The following RRP12 variants were observed in gnomAD, a reference collection of about 807,000 sequenced individuals.
RRP12 encodes RRP12-like protein.
In RRP12, 78 loss-of-function variants were observed where a neutral mutation model predicts 157.3. The ratio of observed to expected loss-of-function variants is 0.50; its 90% confidence interval spans 0.41 to 0.60. The LOEUF (loss-of-function observed/expected upper bound fraction) is 0.60, where lower values mean the gene tolerates loss of function less well. Among genes scored for constraint, RRP12 ranks in the 20% least tolerant of loss-of-function variants. The pLI, the probability that RRP12 is intolerant of heterozygous loss-of-function variation, is 0.00. For missense variants in RRP12, 1,521 were observed against 1,679.9 expected (o/e 0.91, Z 1.65); for synonymous variants, 726 against 670.9 (o/e 1.08, Z -1.27).
chr10:97,360,811 A>T (rs1208766029), intron 30 of RRP12, among the ~76,000 whole-genome samples, 193 bp from the exon 31 acceptor site: 1 of 152,200 alleles, frequency 6.6e-6, no homozygotes, highest in East Asian at 1.9e-4. Flanking sequence ...AAAGCCAGGC[A>T]GTGCAGAAGA....
intron 31 of RRP12, among the ~76,000 whole-genome samples, chr10:97,359,227 G>T (rs1347215912): frequency 6.6e-6 from 1 of 152,210 alleles, no homozygotes; most frequent in Non-Finnish European, 1.5e-5. Flanking sequence ...GACTGACCCA[G>T]AAGCCTTACA....
chr10:97,382,433 C>T (rs1406947709), intron 10 of RRP12, among the ~76,000 whole-genome samples: 2 of 152,230 alleles, frequency 1.3e-5, no homozygotes, highest in Non-Finnish European at 2.9e-5. Flanking sequence ...GCATAAGCCA[C>T]TGCACCTGGC....
At chr10:97,361,971 G>A (rs1235863234) in intron 30 of RRP12, among the ~76,000 whole-genome samples, 1 of 152,126 alleles carries the variant, frequency 6.6e-6, no homozygotes, top group East Asian at 1.9e-4. Flanking sequence ...GCTGGGCGTG[G>A]TAGCATGCAC....
rs946694258 is a variant in RRP12, at chr10:97,385,151, C to T, written c.1208+15G>A. The T allele has an allele frequency of 1.0e-5, 16 of 1,602,136 alleles. No individual in the cohort carries two copies. The highest frequency in any genetic ancestry group is 1.4e-5 in the Non-Finnish European group (16 of 1,169,830). ...GCCTGGACAGAGGCCCTAAGCACCC[C>T]TCCTTCATCCGTACCTCACCAGGTT... On this transcript the variant is annotated intron_variant, in intron 10 of 33. Transcript: ENST00000370992.
rs773405408 is a variant in RRP12 at position 97,373,723 on chromosome 10, C to T, written c.1878G>A (p.Leu626=). ...DTLQWQMWTL[L]PGFCTRPTDV... ...CTGTAGGCCTTGTGCAGAACCCAGG[C>T]AGGAGTGTCCACATCTGGAGAAGGA... The change falls in exon 17 of 34, where the codon CTG becomes CTA. Residue 626 remains leucine (L), a synonymous_variant. Transcript: ENST00000370992. 6 of 1,612,556 alleles carry T rather than the reference C, an allele frequency of 3.7e-6. No homozygotes were observed. The Admixed American group carries it at 5.0e-5, about 13-fold the overall frequency.
At position 97,379,691 on chromosome 10, in the gene RRP12, G is replaced by A. The variant is rs1342572350; in HGVS notation, c.1613C>T (p.Ala538Val). Residue 538 changes from alanine to valine, a missense_variant, in exon 14 of 34, where the codon GCG becomes GTG. Physicochemically the swap from Ala to Val is moderately conservative, Grantham distance 64. Transcript: ENST00000370992. The stretch of plus-strand genomic sequence containing the variant: ...CACCTCAGGTCCCATACTGGTCACC[G>A]CAGCCCCCACTGCCTGGTCAAGAGC... ...TAALDQAVGAAVTSMGPEVVL... is the reference protein window; with the variant it reads ...TAALDQAVGAVVTSMGPEVVL... The A allele has an allele frequency of 1.1e-5, 17 of 1,614,044 alleles. No individual in the cohort carries two copies. Among genetic ancestry groups the A allele is most frequent in the East Asian group, 4.5e-5 (2 of 44,880 alleles).
At chr10:97,374,771 C>CAAA (rs775889963) in intron 15 of RRP12, among the ~76,000 whole-genome samples, 7,257 of 90,354 alleles carry the variant, frequency 0.08, 873 homozygotes, top group African/African-American at 0.27. Context: ...GACTCTGTCT[C>CAAA]AAAAAAAAAA....
rs778356805 is a variant in RRP12, at chr10:97,370,516, G to C, written c.2628C>G (p.Asn876Lys). Residue 876 changes from asparagine to lysine, a missense_variant, in exon 23 of 34, where the codon AAC becomes AAG. By Grantham distance (94) the Asn-to-Lys change is moderately conservative. Coordinates refer to ENST00000370992, the MANE Select transcript of RRP12 (RefSeq NM_015179.4). ...TKEVSVGARKNAFALLVEMGH... is the reference protein window; with the variant it reads ...TKEVSVGARKKAFALLVEMGH... ...CCATCTCCACGAGCAGTGCAAAAGC[G>C]TTCTTCCGTGCGCCCACCGACACCT... is the stretch of plus-strand genomic sequence containing the variant. 3 of 1,605,652 alleles carry C rather than the reference G, an allele frequency of 1.9e-6. No individual in the cohort carries two copies. The highest frequency in any genetic ancestry group is 2.7e-5 in the African/African-American group (2 of 72,756).
chr10:97,357,255 T>A (rs1843735232), intron 33 of RRP12, 59 bp from the exon 34 acceptor site: 1 of 1,123,316 alleles, frequency 8.9e-7, no homozygotes, highest in East Asian at 2.5e-5. Flanking sequence ...CCCCCTCCTG[T>A]TGCCAAATGA....
Position 97,370,211 on chromosome 10 carries a change from C to T in RRP12, c.2753G>A (p.Ser918Asn). 6.2e-7 allele frequency: 1 copy of T among 1,607,480 alleles called. No individual in the cohort carries two copies. The highest frequency in any genetic ancestry group is 1.1e-5 in the South Asian group (1 of 89,562). ...PGLVGAVTMV[S>N]CSILALTHLL... ...GTGGGTCAGGGCCAGGATGCTGCAGCTGACCATGGTCACCGCGCCCACCAG... is the reference window on the plus strand; with the variant it reads ...GTGGGTCAGGGCCAGGATGCTGCAGTTGACCATGGTCACCGCGCCCACCAG... Residue 918 changes from serine (S) to asparagine (N), a missense_variant, in exon 24 of 34, where the codon AGC (serine) becomes AAC (asparagine). By Grantham distance (46) the Ser-to-Asn change is conservative. Transcript: ENST00000370992.
intron 1 of RRP12, 83 bp from the exon 2 acceptor site, chr10:97,400,617 A>G: frequency 9.0e-7 from 1 of 1,112,088 alleles, no homozygotes; most frequent in Non-Finnish European, 1.3e-6. Context: ...AAACCAGCCC[A>G]GGCCAAATCT....
At chr10:97,394,649 CAA>C (rs1224311590) in intron 3 of RRP12, among the ~76,000 whole-genome samples, 1 of 152,184 alleles carries the variant, frequency 6.6e-6, no homozygotes, top group Non-Finnish European at 1.5e-5. Context: ...CTTGGCCTCC[CAA>C]AGTCCTAGGA....
chr10:97,357,850 T>A (rs1474309520), intron 33 of RRP12, among the ~76,000 whole-genome samples: 2 of 151,534 alleles, frequency 1.3e-5, no homozygotes, highest in Non-Finnish European at 2.9e-5. Flanking sequence ...TCCCAGCTAC[T>A]CCGGAGGCTG....
intron 15 of RRP12, among the ~76,000 whole-genome samples, chr10:97,375,007 G>A (rs998928805): frequency 6.6e-6 from 1 of 152,134 alleles, no homozygotes; most frequent in Non-Finnish European, 1.5e-5. Context: ...ACTGTGGAGC[G>A]GCGGAGTTGG....
rs1843815457 is a variant in RRP12 at position 97,360,557 on chromosome 10, G to A, written c.3629C>T (p.Pro1210Leu). 1 of 1,613,076 alleles carries A rather than the reference G, an allele frequency of 6.2e-7. No individual in the cohort carries two copies. The highest frequency in any genetic ancestry group is 8.5e-7 in the Non-Finnish European group (1 of 1,179,058). The change falls in exon 31 of 34, where the codon CCT becomes CTT. Residue 1210 changes from proline (P) to leucine (L), a missense_variant. By Grantham distance (98) the Pro-to-Leu change is moderately conservative (BLOSUM62 -3). Transcript: ENST00000370992. ...EAEEEELEIPPQYQAGGSGIH... is the reference protein window; with the variant it reads ...EAEEEELEIPLQYQAGGSGIH... ...AGTGGAAGCCTCACCTTGGTACTGAGGGGGTATCTCCAGCTCCTCCTCCTC... is the reference window on the plus strand; with the variant it reads ...AGTGGAAGCCTCACCTTGGTACTGAAGGGGTATCTCCAGCTCCTCCTCCTC...
chr10:97,366,309 C>T (rs1396345337), intron 28 of RRP12, 76 bp from the exon 29 acceptor site: 31 of 1,581,526 alleles, frequency 2.0e-5, no homozygotes, highest in Middle Eastern at 1.7e-4. Context: ...CCAACAAGCC[C>T]GGCTCAGGGA....
At chr10:97,372,038 G>T (rs376338649) in intron 20 of RRP12, 35 bp downstream of exon 20, 1 of 1,483,258 alleles carries the variant, frequency 6.7e-7, no homozygotes, top group Admixed American at 1.7e-5. Flanking sequence ...GCCCCCAAGC[G>T]TGGCTGTGTG....
intron 32 of RRP12, 93 bp from the exon 33 acceptor site, chr10:97,358,712 C>T: frequency 9.8e-7 from 1 of 1,025,340 alleles, no homozygotes; most frequent in Non-Finnish European, 1.5e-6. Context: ...CTCCCTTCAT[C>T]CTCTGCCTTA....
At chr10:97,357,362 C>A (rs116851397) in intron 33 of RRP12, among the ~76,000 whole-genome samples, 166 bp from the exon 34 acceptor site, 4 of 152,136 alleles carry the variant, frequency 2.6e-5, no homozygotes, top group South Asian at 4.1e-4. Flanking sequence ...AGCTTCCACA[C>A]GGCTCATGTC....
Sources: gnomAD v4.1 joint callset for allele counts (sites outside exome capture counted in the v4.1 genomes callset) on GRCh38, gnomAD v4.1.1 for gene constraint, MANE v1.5 for transcripts, NCBI Gene and HGNC (gene_info 2026-07-23, HGNC 2026-07-21) for gene names.